Variants in PTPRG observed in about 807,000 individuals in gnomAD.
PTPRG encodes protein tyrosine phosphatase receptor type G.
Under a neutral mutation model 165.3 loss-of-function variants are expected in PTPRG, and 102 were observed. The ratio of observed to expected loss-of-function variants is 0.62; its 90% CI spans 0.53 to 0.73. The LOEUF (loss-of-function observed/expected upper bound fraction) is 0.73, where lower values mean the gene tolerates loss of function less well. Ranked by LOEUF, PTPRG falls within the 30% of genes least tolerant of loss-of-function variation. PTPRG has a pLI of 0.00. For missense variants in PTPRG, 1,866 were observed against 1,861.4 expected (o/e 1.00, Z -0.05); for synonymous variants, 675 against 669.5 (o/e 1.01, Z -0.13).
At chr3:61,602,182 G>A (rs1432269046) in intron 1 of PTPRG, among the ~76,000 whole-genome samples, 2 of 151,940 alleles carry the variant, frequency 1.3e-5, no homozygotes, top group African/African-American at 4.8e-5. Context: ...ATTTCTGTGG[G>A]TACTTCTAGC....
chr3:61,750,923 T>C (rs1233572414), intron 2 of PTPRG: 2 of 152,224 alleles, frequency 1.3e-5, no homozygotes, highest in African/African-American at 4.8e-5. Flanking sequence ...CAGTTGATTT[T>C]TTTCCTAGAA....
chr3:61,752,601 C>T (rs566520651), intron 2 of PTPRG, among the ~76,000 whole-genome samples: 2 of 151,856 alleles, frequency 1.3e-5, no homozygotes, highest in East Asian at 1.9e-4. Context: ...GACCTGCCAA[C>T]ATGGTGAAAC....
intron 1 of PTPRG, among the ~76,000 whole-genome samples, chr3:61,745,358 C>T (rs371036940): frequency 2.0e-5 from 3 of 152,250 alleles, no homozygotes; most frequent in African/African-American, 7.2e-5. Context: ...CATTCCCTCA[C>T]TGTTGATGAA....
chr3:62,131,064 T>C (rs2106922704), intron 5 of PTPRG, among the ~76,000 whole-genome samples: 1 of 152,300 alleles, frequency 6.6e-6, no homozygotes, highest in South Asian at 2.1e-4. Flanking sequence ...CATTAAGATA[T>C]AATCACTATT....
At chr3:61,605,553 G>A (rs1410047865) in intron 1 of PTPRG, among the ~76,000 whole-genome samples, 1 of 139,214 alleles carries the variant, frequency 7.2e-6, no homozygotes, top group Non-Finnish European at 1.6e-5. Flanking sequence ...ACCACACCAA[G>A]CCAATTTTTT....
At chr3:61,617,086 AC>A (rs1281767389) in intron 1 of PTPRG, among the ~76,000 whole-genome samples, 3 of 152,184 alleles carry the variant, frequency 2.0e-5, no homozygotes, top group African/African-American at 7.2e-5. Context: ...TATTTGAGGG[AC>A]AATGTTATAA....
At chr3:61,926,670 C>T (rs914989501) in intron 2 of PTPRG, among the ~76,000 whole-genome samples, 5 of 134,286 alleles carry the variant, frequency 3.7e-5, no homozygotes, top group African/African-American at 1.1e-4. Context: ...TATATCAGTG[C>T]AAGAACAGAT....
chr3:62,162,058 A>G (rs1047971094), intron 7 of PTPRG, among the ~76,000 whole-genome samples: 10 of 152,208 alleles, frequency 6.6e-5, no homozygotes, highest in Non-Finnish European at 1.5e-4. Context: ...TCATAATTAT[A>G]TTACTTTTGG....
At chr3:62,031,534 C>A (rs777189242) in intron 4 of PTPRG, among the ~76,000 whole-genome samples, 1 of 152,130 alleles carries the variant, frequency 6.6e-6, no homozygotes, top group Non-Finnish European at 1.5e-5. Context: ...AGATGAGAAT[C>A]CTTCGAAGCG....
chr3:62,233,740 C>G lies in PTPRG; in HGVS notation c.2375+2429C>G, dbSNP rs1346309698. Among the ~76,000 whole-genome samples the G allele has an allele frequency of 6.6e-6, 1 of 152,144 alleles. No homozygotes were observed. Among genetic ancestry groups the G allele is most frequent in the Admixed American group, 6.5e-5 (1 of 15,270 alleles). On this transcript the variant is annotated intron_variant, in intron 14 of 29. Coordinates refer to ENST00000474889, the MANE Select transcript of PTPRG (RefSeq NM_002841.4). This position sits in a 1 kb window ranked among gnomAD's most constrained non-coding sequence, Gnocchi z 4.7. ...AGCAGGAAGGAAGGAGACTGTGCCGCTAAGACGCGTTGCACAGAGAATTGC... is the reference window on the plus strand; with the variant it reads ...AGCAGGAAGGAAGGAGACTGTGCCGGTAAGACGCGTTGCACAGAGAATTGC...
In PTPRG at chr3:62,296,230, T is replaced by G. The variant is rs1055679057; in HGVS notation, c.*2923T>G. ...AAAGAGTAAGATTAGCTAATTGGTC[T>G]TCCTAATTTTTATGCCTTTAGAGTT... On this transcript the variant is annotated 3_prime_UTR_variant, in exon 30 of 30. Coordinates refer to ENST00000474889, the MANE Select transcript of PTPRG (RefSeq NM_002841.4). The G allele has an allele frequency of 2.0e-5, 3 of 152,002 alleles. No individual in the cohort carries two copies. Among genetic ancestry groups the G allele is most frequent in the Admixed American group, 6.6e-5 (1 of 15,238 alleles). 9.4% of individuals were successfully genotyped at this position (152,002 alleles called of 1,614,324 possible).
At chr3:62,282,642 G>T in intron 27 of PTPRG, 85 bp from the exon 28 acceptor site, 1 of 1,394,578 alleles carries the variant, frequency 7.2e-7, no homozygotes. Context: ...ATAACACATG[G>T]CTTTCTCAGG....
Position 62,217,341 on chromosome 3 carries a change from G to C in PTPRG, c.2156-1510G>C, listed in dbSNP as rs1700537077. The stretch of plus-strand genomic sequence containing the variant: ...GGTCCTGTCTGCGTCACAGGCCTGT[G>C]CCTGAAACAAAGGAGGTGGTCAACA... On this transcript the variant is annotated intron_variant, in intron 12 of 29. Coordinates refer to ENST00000474889, the MANE Select transcript of PTPRG (RefSeq NM_002841.4). The surrounding 1 kb of genome is among the most constrained non-coding windows in gnomAD (Gnocchi z 4.3). Among the ~76,000 whole-genome samples, 1 of 152,198 alleles carries C rather than the reference G, an allele frequency of 6.6e-6. No homozygotes were observed. Among genetic ancestry groups the C allele is most frequent in the Admixed American group, 6.5e-5 (1 of 15,286 alleles).
intron 6 of PTPRG, among the ~76,000 whole-genome samples, chr3:62,145,734 T>A (rs1704096769): frequency 6.6e-6 from 1 of 152,226 alleles, no homozygotes; most frequent in Admixed American, 6.5e-5. Flanking sequence ...ACAATCTTAT[T>A]GAATCCCATC....
chr3:62,037,979 G>T (rs1330983895), intron 4 of PTPRG, among the ~76,000 whole-genome samples: 1 of 152,136 alleles, frequency 6.6e-6, no homozygotes, highest in Non-Finnish European at 1.5e-5. Flanking sequence ...AGGGGAGTAG[G>T]GGTGGGCAAA....
At chr3:62,166,004 C>T (rs895092408) in intron 7 of PTPRG, among the ~76,000 whole-genome samples, 1 of 151,914 alleles carries the variant, frequency 6.6e-6, no homozygotes, top group South Asian at 2.1e-4. Context: ...TCTGGTTCCC[C>T]GAAGCCTTGA....
At chr3:61,673,857 C>A (rs1363713707) in intron 1 of PTPRG, among the ~76,000 whole-genome samples, 1 of 152,164 alleles carries the variant, frequency 6.6e-6, no homozygotes, top group East Asian at 1.9e-4. Flanking sequence ...TTGGCTTTGT[C>A]CATAAAAACG....
chr3:61,920,080 C>A (rs1037365431), intron 2 of PTPRG, among the ~76,000 whole-genome samples: 1 of 152,224 alleles, frequency 6.6e-6, no homozygotes, highest in African/African-American at 2.4e-5. Flanking sequence ...GGAAGATGAT[C>A]CCTGGTTGAG....
rs751290444 is a variant in PTPRG, at chr3:62,267,829, T to G, written c.2874+10T>G. 1 of 1,610,614 alleles carries G rather than the reference T, an allele frequency of 6.2e-7. No individual in the cohort carries two copies. The highest frequency in any genetic ancestry group is 1.7e-5 in the Admixed American group (1 of 59,504). On this transcript the variant is annotated intron_variant, in intron 19 of 29. Coordinates refer to ENST00000474889, the MANE Select transcript of PTPRG (RefSeq NM_002841.4). ...TGTGGAAAAAGGAAGAGTAAGAGCC[T>G]TTTGACTCACTATCTTAATAATGCA...
Sources: gnomAD v4.1 joint callset for allele counts (sites outside exome capture counted in the v4.1 genomes callset) on GRCh38, gnomAD v4.1.1 for gene constraint, Gnocchi (gnomAD v3.1) non-coding constraint, MANE v1.5 for transcripts, NCBI Gene and HGNC (gene_info 2026-07-23, HGNC 2026-07-21) for gene names.